PTPRM: variants seen among roughly 807,000 people sequenced by gnomAD.
PTPRM encodes the protein protein tyrosine phosphatase receptor type M.
PTPRM carries 47 observed loss-of-function variants against 186.7 expected under a neutral mutation model. The ratio of observed to expected loss-of-function variants is 0.25; its 90% CI spans 0.20 to 0.32. PTPRM has a LOEUF of 0.32. Among genes scored for constraint, PTPRM ranks in the 10% least tolerant of loss-of-function variants. The probability of loss-of-function intolerance (pLI) is 1.00; values close to 1 mark genes in which losing one functional copy is unlikely to be tolerated. For synonymous variants in PTPRM, 668 were observed against 674.9 expected (o/e 0.99, Z 0.16); for missense variants, 1,494 against 1,865.0 (o/e 0.80, Z 3.66).
At chr18:7,882,874 G>C (rs1209787672) in intron 2 of PTPRM, among the ~76,000 whole-genome samples, 6 of 152,194 alleles carry the variant, frequency 3.9e-5, no homozygotes, top group Non-Finnish European at 8.8e-5. Flanking sequence ...TATTACTGCT[G>C]TCACAAACAA....
At chr18:8,363,954 G>T (rs951300780) in intron 23 of PTPRM, among the ~76,000 whole-genome samples, 1 of 152,134 alleles carries the variant, frequency 6.6e-6, no homozygotes, top group African/African-American at 2.4e-5. Context: ...CAACATTAAC[G>T]AATAGATGCA....
chr18:8,028,279 G>A (rs2085703992), intron 7 of PTPRM, among the ~76,000 whole-genome samples: 2 of 152,138 alleles, frequency 1.3e-5, no homozygotes, highest in Admixed American at 6.5e-5. Flanking sequence ...TGGGAATACA[G>A]GTGTGCACCA....
intron 1 of PTPRM, among the ~76,000 whole-genome samples, chr18:7,578,496 C>T (rs580865): frequency 0.09 from 13,693 of 151,914 alleles, 812 homozygotes; most frequent in South Asian, 0.21. Flanking sequence ...CCACCATGCC[C>T]GGCTAATTTT....
chr18:8,317,028 C>G (rs1432255190), intron 21 of PTPRM, among the ~76,000 whole-genome samples: 1 of 152,100 alleles, frequency 6.6e-6, no homozygotes, highest in Non-Finnish European at 1.5e-5. Flanking sequence ...AGGTCATGGG[C>G]CAGGTCAGGT....
At chr18:7,939,439 A>T (rs945423377) in intron 5 of PTPRM, among the ~76,000 whole-genome samples, 3 of 152,344 alleles carry the variant, frequency 2.0e-5, no homozygotes, top group East Asian at 3.9e-4. Context: ...TTTTGCTGGT[A>T]AATTACTGCT....
intron 14 of PTPRM, among the ~76,000 whole-genome samples, chr18:8,215,085 C>T (rs1203804449): frequency 6.6e-6 from 1 of 152,114 alleles, no homozygotes; most frequent in Non-Finnish European, 1.5e-5. Context: ...AATACCTTCC[C>T]TACATCCAGA....
chr18:8,406,246 T>G lies in PTPRM; in HGVS notation c.*84T>G. On this transcript the variant is annotated 3_prime_UTR_variant, in exon 33 of 33. Transcript: ENST00000580170. Reference sequence around the variant, plus strand: ...GTATTTGTGCAAAAGAGATGAAGACTTCTCAATATGCTTATTTTGCTTTGC... The same window carrying G: ...GTATTTGTGCAAAAGAGATGAAGACGTCTCAATATGCTTATTTTGCTTTGC... 2 of 1,265,886 alleles carry G rather than the reference T, an allele frequency of 1.6e-6. No homozygotes were observed. Among genetic ancestry groups the G allele is most frequent in the Non-Finnish European group, 2.2e-6 (2 of 890,730 alleles). The allele number at this position is 1,265,886 out of a possible 1,614,324, so 78.4% of individuals were successfully genotyped here.
At chr18:8,126,950 G>A (rs2092382192) in intron 13 of PTPRM, among the ~76,000 whole-genome samples, 1 of 152,026 alleles carries the variant, frequency 6.6e-6, no homozygotes, top group South Asian at 2.1e-4. Flanking sequence ...GCAGAGCAAG[G>A]CCAACTGTGA....
chr18:7,934,103 A>T (rs914788672), intron 5 of PTPRM, among the ~76,000 whole-genome samples: 2 of 152,188 alleles, frequency 1.3e-5, no homozygotes, highest in African/African-American at 4.8e-5. Flanking sequence ...GATCCCCATG[A>T]ACATAAGAAA....
At chr18:8,365,685 AG>A (rs1445480114) in intron 23 of PTPRM, 1 of 152,272 alleles carries the variant, frequency 6.6e-6, no homozygotes, top group Admixed American at 6.5e-5. Flanking sequence ...AGGAATCAGC[AG>A]GGGTTCCCCC....
chr18:8,087,853 A>G (rs1241724253), intron 10 of PTPRM, among the ~76,000 whole-genome samples: 2 of 152,190 alleles, frequency 1.3e-5, no homozygotes, highest in Non-Finnish European at 2.9e-5. Context: ...AGTCTCTACC[A>G]GTGGGCTGTG....
intron 1 of PTPRM, among the ~76,000 whole-genome samples, chr18:7,590,563 A>T (rs1353339733): frequency 1.3e-5 from 2 of 152,218 alleles, no homozygotes; most frequent in Non-Finnish European, 2.9e-5. Flanking sequence ...GAAGTAAAAA[A>T]ATTGGGAACA....
intron 22 of PTPRM, among the ~76,000 whole-genome samples, chr18:8,339,415 G>A (rs748145819): frequency 1.3e-5 from 2 of 152,172 alleles, no homozygotes; most frequent in South Asian, 2.1e-4. Context: ...ATCTGTAAAC[G>A]CACCACCACA....
At chr18:8,308,244 C>T (rs1053870376) in intron 20 of PTPRM, among the ~76,000 whole-genome samples, 2 of 152,178 alleles carry the variant, frequency 1.3e-5, no homozygotes, top group Non-Finnish European at 2.9e-5. Context: ...GTAGGCCAAA[C>T]AGAGAAGCAA....
intron 7 of PTPRM, among the ~76,000 whole-genome samples, chr18:8,020,070 T>C (rs1296344424): frequency 6.6e-6 from 1 of 152,158 alleles, no homozygotes; most frequent in Non-Finnish European, 1.5e-5. Context: ...TGCCTGTTAG[T>C]ATATATGAAT....
At chr18:8,186,141 C>T (rs1039174150) in intron 14 of PTPRM, among the ~76,000 whole-genome samples, 9 of 152,014 alleles carry the variant, frequency 5.9e-5, no homozygotes, top group African/African-American at 1.4e-4. Flanking sequence ...TCCTGGCCAA[C>T]ATGGTGAAAC....
intron 14 of PTPRM, among the ~76,000 whole-genome samples, chr18:8,187,812 A>T (rs553671655): frequency 6.6e-6 from 1 of 152,344 alleles, no homozygotes; most frequent in African/African-American, 2.4e-5. Flanking sequence ...AGTTGGTTTC[A>T]TGAGATTACC....
At chr18:8,284,371 C>T (rs1432361797) in intron 19 of PTPRM, among the ~76,000 whole-genome samples, 2 of 152,258 alleles carry the variant, frequency 1.3e-5, no homozygotes, top group East Asian at 3.9e-4. Context: ...TTTTTCAAAG[C>T]ATCAACAGAT....
intron 32 of PTPRM, among the ~76,000 whole-genome samples, chr18:8,400,252 A>G (rs182898760): frequency 4.0e-4 from 61 of 152,208 alleles, no homozygotes; most frequent in African/African-American, 1.4e-3. Flanking sequence ...AACAATTCTG[A>G]TCCCTGGGCC....
Sources: allele counts gnomAD v4.1 joint callset (sites outside exome capture counted in the v4.1 genomes callset), GRCh38; gene constraint gnomAD v4.1.1; transcripts MANE v1.5; gene names NCBI Gene and HGNC (gene_info 2026-07-23, HGNC 2026-07-21).